ACAP3: variants seen among roughly 807,000 people sequenced by gnomAD.
ACAP3 encodes ArfGAP with coiled-coil, ankyrin repeat and PH domains 3.
ACAP3 carries 56 observed loss-of-function variants against 104.1 expected under a neutral mutation model. The ratio of observed to expected loss-of-function variants is 0.54; its 90% CI spans 0.43 to 0.67. The LOEUF (loss-of-function observed/expected upper bound fraction) is 0.67. Among genes scored for constraint, ACAP3 ranks in the 30% least tolerant of loss-of-function variants. The probability of loss-of-function intolerance (pLI) is 0.00; values close to 1 mark genes in which losing one functional copy is unlikely to be tolerated. For synonymous variants in ACAP3, 628 were observed against 496.2 expected (o/e 1.27, Z -3.53); for missense variants, 1,208 against 1,174.9 (o/e 1.03, Z -0.41).
At position 1,303,362 on chromosome 1, in the gene ACAP3, A is replaced by C. The variant is rs1343059060; in HGVS notation, c.106-81T>G. On this transcript the variant is annotated intron_variant, in intron 2 of 23. Transcript: ENST00000354700. The surrounding 1 kb of genome is among the most constrained non-coding windows in gnomAD (Gnocchi z 4.0). ...CCACACACGGCCACTCAGAGGCAGG[A>C]AGAGCTCCCAGGGTAGGTTCCACTC... The C allele has an allele frequency of 6.6e-6, 10 of 1,519,272 alleles. No homozygotes were observed. Among genetic ancestry groups the C allele is most frequent in the Non-Finnish European group, 8.0e-6 (9 of 1,130,100 alleles). The allele number at this position is 1,519,272 out of a possible 1,614,324, so 94.1% of individuals were successfully genotyped here.
At position 1,303,718 on chromosome 1, in the gene ACAP3, C is replaced by G. The variant is rs111749158; in HGVS notation, c.105+368G>C. 704 of 402,618 alleles carry G rather than the reference C, an allele frequency of 1.7e-3. 28 individuals are homozygous for G. In the East Asian group the frequency reaches 0.031, roughly 18 times the overall value. 24.9% of individuals were successfully genotyped at this position (402,618 alleles called of 1,614,324 possible). On this transcript the variant is annotated intron_variant, in intron 2 of 23. Transcript: ENST00000354700. The surrounding 1 kb of genome is among the most constrained non-coding windows in gnomAD (Gnocchi z 4.0). ...GTGGGGCTCATGGACACGGCTCCCC[C>G]CTCCACGGCCTGTTGCCCCCTCCCC...
rs80128433 is a variant in ACAP3 at position 1,299,888 on chromosome 1, G to A, written c.681C>T (p.Ile227=). The A allele has an allele frequency of 1.3e-4, 200 of 1,581,162 alleles. 1 individual carries two copies. The East Asian group carries it at 4.3e-3, about 34-fold the overall frequency. ...KLAAELDQLV[I]DSAVEKREME... is the part of the protein sequence containing the mutation. Reference sequence around the variant, plus strand: ...TCTCACGCTTTTCCACCGCAGAGTCGATCACCAGCTGGTCCAGCTGTTGGG... The same window carrying A: ...TCTCACGCTTTTCCACCGCAGAGTCAATCACCAGCTGGTCCAGCTGTTGGG... The change falls in exon 9 of 24, where the codon ATC becomes ATT. Residue 227 remains isoleucine (I), a synonymous_variant. Coordinates refer to ENST00000354700, the MANE Select transcript of ACAP3 (RefSeq NM_030649.3).
At chr1:1,304,217 T>C in intron 1 of ACAP3, 74 bp from the exon 2 acceptor site, 1 of 1,509,520 alleles carries the variant, frequency 6.6e-7, no homozygotes, top group East Asian at 2.5e-5. Flanking sequence ...CCCCCGCACC[T>C]CCCTGAGGGG....
chr1:1,296,913 G>A (rs1326168269), intron 14 of ACAP3, among the ~76,000 whole-genome samples: 1 of 152,086 alleles, frequency 6.6e-6, no homozygotes, highest in African/African-American at 2.4e-5. Flanking sequence ...GTGGGCAGAT[G>A]GTGCCGAGCA....
At chr1:1,300,133 T>C (rs539217969) in intron 7 of ACAP3, 25 bp downstream of exon 7, 1 of 1,609,154 alleles carries the variant, frequency 6.2e-7, no homozygotes, top group East Asian at 2.2e-5. Context: ...CAGCCTGTGC[T>C]CAGGGGCAGC....
chr1:1,307,503 A>G (rs1641789425), intron 1 of ACAP3: 2 of 1,223,490 alleles, frequency 1.6e-6, no homozygotes, highest in African/African-American at 1.6e-5. Context: ...GCAGACACAG[A>G]GCGGGGGCGG....
intron 12 of ACAP3, 41 bp from the exon 13 acceptor site, chr1:1,298,154 C>T: frequency 6.4e-7 from 1 of 1,573,640 alleles, no homozygotes; most frequent in Non-Finnish European, 8.6e-7. Context: ...TCAGCCACCA[C>T]CCGGCCCCGA....
In ACAP3 at chr1:1,304,398, C is replaced by T. The variant is rs1341485190; in HGVS notation, c.48-255G>A. The T allele has an allele frequency of 1.2e-4, 67 of 580,528 alleles. No individual in the cohort carries two copies. In the South Asian group the frequency reaches 1.3e-3, roughly 11 times the overall value. The allele number at this position is 580,528 out of a possible 1,614,324, so 36.0% of individuals were successfully genotyped here. A position where few individuals can be genotyped will look rare whatever the true frequency, so the allele number is the denominator to read the frequency against. On this transcript the variant is annotated intron_variant, in intron 1 of 23. Transcript: ENST00000354700. ...GGGAAGAAGGCTGGACCAGCCTCTC[C>T]CAGGACAGCCGGCCGCTGGGAGTCC...
In ACAP3 at chr1:1,303,232, C is replaced by T. The variant is rs1473975799; in HGVS notation, c.155G>A (p.Ser52Asn). Residue 52 changes from serine to asparagine, a missense_variant, in exon 3 of 24, where the codon AGC (serine) becomes AAC (asparagine). Transcript: ENST00000354700. This position sits in a 1 kb window ranked among gnomAD's most constrained non-coding sequence, Gnocchi z 4.0. ...GCCGCTCACGAAAAGCCTGCTGGTG[C>T]TGACGTAGGCCTTACCGGCTTCCAC... ...GMVEAGKAYV[S>N]TSRLFVSGVR... 6.2e-7 allele frequency: 1 copy of T among 1,606,088 alleles called. No homozygotes were observed. Among genetic ancestry groups the T allele is most frequent in the East Asian group, 2.2e-5 (1 of 44,576 alleles).
In ACAP3 at chr1:1,297,693, G is replaced by A. The variant is rs1395350862; in HGVS notation, c.1128+129C>T. The A allele has an allele frequency of 5.6e-5, 41 of 736,892 alleles. 3 individuals are homozygous for A. The highest frequency in any genetic ancestry group is 7.5e-5 in the Non-Finnish European group (40 of 533,108). The allele number at this position is 736,892 out of a possible 1,614,324, so 45.6% of individuals were successfully genotyped here. A position where few individuals can be genotyped will look rare whatever the true frequency, so the allele number is the denominator to read the frequency against. ...GGGCAGGGGCCATCCCCGGTGGCACGTGTGCACGGGCACGGGGCAGGGGCC... is the reference window on the plus strand; with the variant it reads ...GGGCAGGGGCCATCCCCGGTGGCACATGTGCACGGGCACGGGGCAGGGGCC... On this transcript the variant is annotated intron_variant, in intron 14 of 23. Coordinates refer to ENST00000354700, the MANE Select transcript of ACAP3 (RefSeq NM_030649.3).
At position 1,298,427 on chromosome 1, in the gene ACAP3, TG is replaced by T. The variant is rs767255781; in HGVS notation, c.864-7del. The T allele has an allele frequency of 6.3e-7, 1 of 1,599,598 alleles. No individual in the cohort carries two copies. Among genetic ancestry groups the T allele is most frequent in the Admixed American group, 1.7e-5 (1 of 58,682 alleles). On this transcript the variant is annotated splice_region_variant and splice_polypyrimidine_tract_variant and intron_variant, in intron 11 of 23. Transcript: ENST00000354700. ...TCTGAATGGAGAACCAGCGCCTAGG[TG>T]GGTGGGGGGATGTGGGGAGTCAGGC...
At chr1:1,305,408 CAG>C (rs933108816) in intron 1 of ACAP3, 1 of 152,662 alleles carries the variant, frequency 6.6e-6, no homozygotes, top group Non-Finnish European at 1.5e-5. Flanking sequence ...GAGAAGGCAG[CAG>C]AGAGCGCCAC....
chr1:1,301,879 G>T, intron 5 of ACAP3, 109 bp downstream of exon 5: 2 of 1,091,216 alleles, frequency 1.8e-6, no homozygotes, highest in Non-Finnish European at 2.5e-6. Context: ...CCGCTGCACA[G>T]CCTGGAGGCC....
chr1:1,301,954 C>T, intron 5 of ACAP3, 34 bp downstream of exon 5: 1 of 1,529,162 alleles, frequency 6.5e-7, no homozygotes, highest in Non-Finnish European at 8.8e-7. Context: ...AGCGTGGCCT[C>T]AGTGTTCTTC....
At position 1,294,317 on chromosome 1, in the gene ACAP3, C is replaced by T. The variant is rs1641009207; in HGVS notation, c.2139+85G>A. 7 of 1,516,452 alleles carry T rather than the reference C, an allele frequency of 4.6e-6. No individual in the cohort carries two copies. In the South Asian group the frequency reaches 8.6e-5, roughly 19 times the overall value. 93.9% of individuals were successfully genotyped at this position (1,516,452 alleles called of 1,614,324 possible). On this transcript the variant is annotated intron_variant, in intron 21 of 23. Coordinates refer to ENST00000354700, the MANE Select transcript of ACAP3 (RefSeq NM_030649.3). Reference sequence around the variant, plus strand: ...GACCGAACGTGGTCCCCACCGCGGACAGGCGACCCTTGTGTGGGCGCCACA... The same window carrying T: ...GACCGAACGTGGTCCCCACCGCGGATAGGCGACCCTTGTGTGGGCGCCACA...
intron 10 of ACAP3, 77 bp downstream of exon 10, chr1:1,299,268 G>T: frequency 2.0e-6 from 3 of 1,537,120 alleles, no homozygotes; most frequent in Non-Finnish European, 2.7e-6. Flanking sequence ...AAGTGCCCTT[G>T]GGGTAGAGGA....
Position 1,303,046 on chromosome 1 carries a change from A to G in ACAP3, c.226-71T>C. 6.4e-7 allele frequency: 1 copy of G among 1,562,956 alleles called. No individual in the cohort carries two copies. Among genetic ancestry groups the G allele is most frequent in the East Asian group, 2.4e-5 (1 of 42,268 alleles). The stretch of plus-strand genomic sequence containing the variant: ...CCAGGTCACCCAGCCACGCCCTCTG[A>G]GCCCCTGGGCGGTGCAGACACCGGC... On this transcript the variant is annotated intron_variant, in intron 3 of 23. Coordinates refer to ENST00000354700, the MANE Select transcript of ACAP3 (RefSeq NM_030649.3). The surrounding 1 kb of genome is among the most constrained non-coding windows in gnomAD (Gnocchi z 4.0).
intron 10 of ACAP3, chr1:1,298,921 G>A (rs1248332320): frequency 2.3e-5 from 13 of 572,474 alleles, no homozygotes; most frequent in East Asian, 9.1e-5. Context: ...CGAGAGTGCC[G>A]GCCCCACCCC....
chr1:1,301,311 G>C (rs2100458584), intron 5 of ACAP3: 1 of 148,196 alleles, frequency 6.7e-6, no homozygotes, highest in South Asian at 2.1e-4. Flanking sequence ...CCAGGCTGGA[G>C]TGCAGTAGCA....
Sources: gnomAD v4.1 joint callset for allele counts (sites outside exome capture counted in the v4.1 genomes callset) on GRCh38, gnomAD v4.1.1 for gene constraint, Gnocchi (gnomAD v3.1) non-coding constraint, MANE v1.5 for transcripts, NCBI Gene and HGNC (gene_info 2026-07-23, HGNC 2026-07-21) for gene names.